The following NASP variants were observed in gnomAD, a reference collection of about 807,000 sequenced individuals.
NASP encodes nuclear autoantigenic sperm protein.
A neutral mutation model predicts 89.5 loss-of-function variants in NASP; 24 were observed. That is an observed-to-expected ratio of 0.27 (90% CI 0.19 to 0.38). The LOEUF is 0.38. NASP is among the 10% of genes least tolerant of loss of function. NASP has a pLI of 1.00. For missense variants in NASP, 848 were observed against 921.4 expected (o/e 0.92, Z 1.03); for synonymous variants, 306 against 324.7 (o/e 0.94, Z 0.62).
chr1:45,593,692 G>A (rs1161799879), intron 2 of NASP, among the ~76,000 whole-genome samples: 4 of 151,126 alleles, frequency 2.6e-5, no homozygotes, highest in Non-Finnish European at 5.9e-5. Context: ...AACGGGAAAA[G>A]GGTTAAAATA....
At chr1:45,603,056 A>C (rs1430944804) in intron 3 of NASP, among the ~76,000 whole-genome samples, 1 of 152,140 alleles carries the variant, frequency 6.6e-6, no homozygotes, top group Non-Finnish European at 1.5e-5. Context: ...CACATTTTTC[A>C]TACATTCTTA....
Position 45,615,177 on chromosome 1 carries a change from A to G in NASP, c.1831A>G (p.Ile611Val), listed in dbSNP as rs144435495. Residue 611 changes from isoleucine to valine, a missense_variant, in exon 10 of 15, where the codon ATT becomes GTT. Physicochemically the swap from Ile to Val is conservative, Grantham distance 29. Around this residue, in one of 5 missense-constraint regions of NASP, gnomAD observed 218 missense variants for 219.6 expected, o/e 0.99. Coordinates refer to ENST00000350030, the MANE Select transcript of NASP (RefSeq NM_002482.4). ...GGCAGTGGCACAGTTCAGCAAATCT[A>G]TTGAAGTCATTGAGAACAGAATGGG... ...DEAVAQFSKS[I>V]EVIENRMAVL... 1.7e-4 allele frequency: 273 copies of G among 1,614,164 alleles called. No individual in the cohort carries two copies. The African/African-American group carries it at 2.4e-3, about 14-fold the overall frequency.
At chr1:45,600,751 A>T (rs1389048502) in intron 2 of NASP, among the ~76,000 whole-genome samples, 1 of 152,230 alleles carries the variant, frequency 6.6e-6, no homozygotes, top group Non-Finnish European at 1.5e-5. Context: ...TAACTTTAAG[A>T]AACGTCCAAA....
chr1:45,585,390 T>C (rs1198625757), intron 1 of NASP, among the ~76,000 whole-genome samples: 1 of 152,214 alleles, frequency 6.6e-6, no homozygotes, highest in Non-Finnish European at 1.5e-5. Context: ...TGTTTGTTTA[T>C]AGTTAGAGAT....
chr1:45,603,915 A>T (rs1270341518), intron 3 of NASP, among the ~76,000 whole-genome samples: 1 of 152,168 alleles, frequency 6.6e-6, no homozygotes, highest in Non-Finnish European at 1.5e-5. Flanking sequence ...AGCTGTATTT[A>T]GGTATTTTTA....
intron 1 of NASP, among the ~76,000 whole-genome samples, chr1:45,584,603 A>G (rs900492369): frequency 1.3e-5 from 2 of 150,622 alleles, no homozygotes; most frequent in Admixed American, 6.6e-5. Flanking sequence ...TAACCCGGGA[A>G]TATAACCAAC....
chr1:45,616,712 A>G lies in NASP; in HGVS notation c.2157+9A>G, dbSNP rs778099458. 3.7e-6 allele frequency: 6 copies of G among 1,608,050 alleles called. No individual in the cohort carries two copies. In the African/African-American group the frequency reaches 5.3e-5, roughly 14 times the overall value. ...ACCTTGTCAGAAAGAAGGTAAGTCT[A>G]CATGTGGTGTTTCTTTTCTACCGTT... On this transcript the variant is annotated intron_variant, in intron 13 of 14. Coordinates refer to ENST00000350030, the MANE Select transcript of NASP (RefSeq NM_002482.4).
At chr1:45,592,974 G>A (rs1166755289) in intron 2 of NASP, among the ~76,000 whole-genome samples, 6 of 152,194 alleles carry the variant, frequency 3.9e-5, no homozygotes, top group African/African-American at 1.4e-4. Context: ...CCATGAAATA[G>A]CTCTCCTTTA....
At chr1:45,606,817 A>C in intron 5 of NASP, 2 of 420,386 alleles carry the variant, frequency 4.8e-6, no homozygotes, top group South Asian at 8.5e-5. Flanking sequence ...AGTTATTTCG[A>C]TTGGGGTTTT....
Position 45,607,801 on chromosome 1 carries a change from C to T in NASP, c.890C>T (p.Ala297Val), listed in dbSNP as rs375520000. The stretch of plus-strand genomic sequence containing the variant: ...CAGGGCACTGCAGTGGAGGTAGAAG[C>T]AGAGTCTTTAGACCCGACAGTCAAG... Reference protein sequence around the residue: ...EKQGTAVEVEAESLDPTVKPV... With the variant: ...EKQGTAVEVEVESLDPTVKPV... Residue 297 changes from alanine (A) to valine (V), a missense_variant, in exon 6 of 15, where the codon GCA becomes GTA. Ala to Val is a moderately conservative substitution (Grantham distance 64). Transcript: ENST00000350030. The T allele has an allele frequency of 6.2e-7, 1 of 1,613,996 alleles. No homozygotes were observed. Among genetic ancestry groups the T allele is most frequent in the Admixed American group, 1.7e-5 (1 of 60,008 alleles).
rs1644106322 is a variant in NASP at position 45,616,409 on chromosome 1, G to T, written c.2079+16G>T. ...AGTCTCCATGGTGCGTATTCAGGTG[G>T]TTTTTTGGTCACTTACATTAAGTCT... On this transcript the variant is annotated intron_variant, in intron 12 of 14. Coordinates refer to ENST00000350030, the MANE Select transcript of NASP (RefSeq NM_002482.4). The T allele has an allele frequency of 1.2e-6, 2 of 1,613,314 alleles. No individual in the cohort carries two copies. Among genetic ancestry groups the T allele is most frequent in the Non-Finnish European group, 1.7e-6 (2 of 1,179,420 alleles).
intron 1 of NASP, among the ~76,000 whole-genome samples, chr1:45,587,687 T>TATATGTATATATATATATATAA (rs66829841): frequency 1.3e-5 from 1 of 78,200 alleles, no homozygotes. Flanking sequence ...TATATATATA[T>TATATGTATATATATATATATAA]AATTAATTTT....
intron 6 of NASP, among the ~76,000 whole-genome samples, chr1:45,608,549 A>G (rs1557662329): frequency 6.6e-6 from 1 of 152,210 alleles, no homozygotes; most frequent in African/African-American, 2.4e-5. Flanking sequence ...CTTATAAACT[A>G]ACACTTTTAC....
intron 7 of NASP, 52 bp from the exon 8 acceptor site, chr1:45,614,044 G>A: frequency 7.3e-7 from 1 of 1,376,476 alleles, no homozygotes; most frequent in South Asian, 1.2e-5. Context: ...TATACATTTA[G>A]ATTTGTATTT....
chr1:45,587,453 T>C (rs995670548), intron 1 of NASP, among the ~76,000 whole-genome samples: 5 of 151,828 alleles, frequency 3.3e-5, no homozygotes, highest in Admixed American at 2.6e-4. Flanking sequence ...GCTGCAGTTA[T>C]GATTTAATAC....
intron 5 of NASP, 195 bp downstream of exon 5, chr1:45,606,786 CTTA>C: frequency 2.2e-6 from 1 of 452,410 alleles, no homozygotes; most frequent in Non-Finnish European, 3.9e-6. Flanking sequence ...AAGAGAATAA[CTTA>C]TTTTCTCAAG....
intron 2 of NASP, among the ~76,000 whole-genome samples, chr1:45,598,358 C>CGG (rs1429224872): frequency 6.6e-6 from 1 of 151,910 alleles, no homozygotes; most frequent in African/African-American, 2.4e-5. Flanking sequence ...TTAGTAGAGA[C>CGG]GGGGTTTCGC....
At chr1:45,618,892 TCTC>T (rs1270505960) in exon 15 of NASP, 6 of 152,246 alleles carry the variant, frequency 3.9e-5, no homozygotes, top group South Asian at 2.1e-4. Flanking sequence ...ATGCTAAAAA[TCTC>T]CTTGTCTGGA....
rs1175191174 is a variant in NASP, at chr1:45,602,340, G to A, written c.193G>A (p.Ala65Thr). ...GGGGGATATTCCAGCAGCTGTCAAT[G>A]CATTCCAGGAAGCAGCTAGTCTTTT... ...VMGDIPAAVN[A>T]FQEAASLLGK... Residue 65 changes from alanine to threonine, a missense_variant, in exon 3 of 15, where the codon GCA (alanine) becomes ACA (threonine). Ala to Thr is a moderately conservative substitution (Grantham distance 58, BLOSUM62 0). Transcript: ENST00000350030. The A allele has an allele frequency of 6.2e-7, 1 of 1,613,324 alleles. No individual in the cohort carries two copies. Among genetic ancestry groups the A allele is most frequent in the South Asian group, 1.1e-5 (1 of 91,070 alleles).
Sources: gnomAD v4.1 joint callset for allele counts (sites outside exome capture counted in the v4.1 genomes callset) on GRCh38, gnomAD v4.1.1 for gene constraint, gnomAD v4.1.1 regional missense constraint, MANE v1.5 for transcripts, NCBI Gene and HGNC (gene_info 2026-07-23, HGNC 2026-07-21) for gene names.